ZRANB3: variants seen among roughly 807,000 people sequenced by gnomAD.
ZRANB3 encodes the protein DNA annealing helicase and endonuclease ZRANB3.
Under a neutral mutation model 133.8 loss-of-function variants are expected in ZRANB3, and 125 were observed. The observed-to-expected ratio is 0.93, with a 90% CI of 0.81 to 1.08. The LOEUF (loss-of-function observed/expected upper bound fraction) is 1.08. ZRANB3 is among the 50% of genes least tolerant of loss of function. The pLI, the probability that ZRANB3 is intolerant of heterozygous loss-of-function variation, is 0.00. For missense variants in ZRANB3, 1,229 were observed against 1,275.5 expected (o/e 0.96, Z 0.56); for synonymous variants, 387 against 432.7 (o/e 0.89, Z 1.31).
chr2:135,303,685 C>T (rs564065337), intron 8 of ZRANB3, among the ~76,000 whole-genome samples: 52 of 151,846 alleles, frequency 3.4e-4, no homozygotes, highest in African/African-American at 1.1e-3. Context: ...TTAATTTATG[C>T]AAAAAAGACT....
At chr2:135,246,367 T>C (rs1398737943) in intron 12 of ZRANB3, among the ~76,000 whole-genome samples, 1 of 152,220 alleles carries the variant, frequency 6.6e-6, no homozygotes, top group African/African-American at 2.4e-5. Context: ...GACTTTTCTG[T>C]TGTCTTTTTT....
At position 135,312,151 on chromosome 2, in the gene ZRANB3, A is replaced by AT. The variant is rs933501418; in HGVS notation, c.966+1337dup. ...TTATTTTATTATTTTATTTTATTTT[A>AT]TTTTATTTTTATTTTATTTTATTTT... is the stretch of plus-strand genomic sequence containing the variant. On this transcript the variant is annotated intron_variant, in intron 8 of 20. Coordinates refer to ENST00000264159, the MANE Select transcript of ZRANB3 (RefSeq NM_032143.4). Among the ~76,000 whole-genome samples, 360 of 114,828 alleles carry AT rather than the reference A, an allele frequency of 3.1e-3. 7 individuals carry two copies. Among genetic ancestry groups the AT allele is most frequent in the African/African-American group, 0.019 (331 of 17,604 alleles). 75.3% of individuals were successfully genotyped at this position (114,828 alleles called of 152,430 possible). A position where few individuals can be genotyped will look rare whatever the true frequency, so the allele number is the denominator to read the frequency against.
chr2:135,283,453 C>CA (rs1405944984), intron 8 of ZRANB3, among the ~76,000 whole-genome samples: 37 of 151,494 alleles, frequency 2.4e-4, no homozygotes, highest in Non-Finnish European at 4.4e-4. Context: ...TACTAAAATA[C>CA]AAAAAAACTA....
intron 4 of ZRANB3, 107 bp from the exon 5 acceptor site, chr2:135,350,322 G>A (rs939708878): frequency 4.6e-5 from 34 of 740,964 alleles, no homozygotes; most frequent in Non-Finnish European, 6.9e-5. Flanking sequence ...GAAGAATAGA[G>A]GAAAAATAAA....
At chr2:135,313,744 T>C in intron 7 of ZRANB3, 139 bp from the exon 8 acceptor site, 1 of 523,790 alleles carries the variant, frequency 1.9e-6, no homozygotes, top group Admixed American at 3.7e-5. Flanking sequence ...GATTCCAACA[T>C]GTTCATTTAA....
At chr2:135,293,105 A>G (rs995579435) in intron 8 of ZRANB3, among the ~76,000 whole-genome samples, 2 of 152,122 alleles carry the variant, frequency 1.3e-5, no homozygotes, top group Non-Finnish European at 2.9e-5. Flanking sequence ...TATGAACTTT[A>G]AAGTAGTTTT....
intron 6 of ZRANB3, among the ~76,000 whole-genome samples, chr2:135,316,967 G>GA (rs36092486): frequency 0.016 from 1,560 of 98,068 alleles, 11 homozygotes; most frequent in African/African-American, 0.029. Flanking sequence ...TCCGTCTCGA[G>GA]AAAAAAAAAA....
chr2:135,524,880 T>C (rs950708503), intron 1 of ZRANB3, among the ~76,000 whole-genome samples: 9 of 152,084 alleles, frequency 5.9e-5, no homozygotes, highest in Admixed American at 1.3e-4. Flanking sequence ...AGATTAATCT[T>C]TATTTTGTTC....
chr2:135,355,106 T>G (rs182594994), intron 3 of ZRANB3: 58 of 382,080 alleles, frequency 1.5e-4, no homozygotes, highest in African/African-American at 1.1e-3. Context: ...GAGCAGATTT[T>G]GGACTTTAAG....
intron 12 of ZRANB3, among the ~76,000 whole-genome samples, chr2:135,264,739 T>C (rs1680139174): frequency 6.6e-6 from 1 of 150,900 alleles, no homozygotes; most frequent in Admixed American, 6.6e-5. Flanking sequence ...ATTCTTTGCC[T>C]ATTTTTTTTT....
intron 2 of ZRANB3, among the ~76,000 whole-genome samples, chr2:135,406,734 C>G (rs13395430): frequency 6.6e-6 from 1 of 152,094 alleles, no homozygotes; most frequent in Non-Finnish European, 1.5e-5. Context: ...ATGATTATCT[C>G]AATAGATGCA....
intron 8 of ZRANB3, among the ~76,000 whole-genome samples, chr2:135,280,076 A>C (rs2104780165): frequency 6.6e-6 from 1 of 152,346 alleles, no homozygotes; most frequent in East Asian, 1.9e-4. Flanking sequence ...AACGATCTTA[A>C]GTACATAGTA....
At chr2:135,281,418 T>C (rs553979673) in intron 8 of ZRANB3, among the ~76,000 whole-genome samples, 1 of 152,198 alleles carries the variant, frequency 6.6e-6, no homozygotes, top group South Asian at 2.1e-4. Context: ...TAAGCAAACC[T>C]AGCATTTTCC....
At position 135,273,196 on chromosome 2, in the gene ZRANB3, G is replaced by GA. The variant is rs985691114; in HGVS notation, c.1087-1310dup. 1.0e-3 allele frequency among the ~76,000 whole-genome samples: 133 copies of GA among 130,722 alleles called. 1 individual carries two copies. The highest frequency in any genetic ancestry group is 2.8e-3 in the African/African-American group (96 of 34,606). The allele number at this position is 130,722 out of a possible 152,430, so 85.8% of individuals were successfully genotyped here. On this transcript the variant is annotated intron_variant, in intron 9 of 20. Coordinates refer to ENST00000264159, the MANE Select transcript of ZRANB3 (RefSeq NM_032143.4). ...GCGAGACTGTCTCAAAAAAAAAAAAGAAAAAAAAAAGAAAAAAAGAAATCA... is the reference window on the plus strand; with the variant it reads ...GCGAGACTGTCTCAAAAAAAAAAAAGAAAAAAAAAAAGAAAAAAAGAAATCA...
intron 3 of ZRANB3, among the ~76,000 whole-genome samples, chr2:135,357,439 G>A (rs1288915418): frequency 6.6e-6 from 1 of 152,204 alleles, no homozygotes; most frequent in Non-Finnish European, 1.5e-5. Context: ...GGGATTACAG[G>A]CGCATGCCAC....
chr2:135,244,616 T>C (rs1228542592), intron 12 of ZRANB3, among the ~76,000 whole-genome samples: 4 of 150,022 alleles, frequency 2.7e-5, no homozygotes, highest in Non-Finnish European at 4.4e-5. Context: ...CAAAAATAAA[T>C]AAATAAATAA....
chr2:135,418,919 TTCTC>T (rs201950534), intron 2 of ZRANB3, among the ~76,000 whole-genome samples: 1 of 139,018 alleles, frequency 7.2e-6, no homozygotes, highest in African/African-American at 2.7e-5. Context: ...AAAATAAGGA[TTCTC>T]TCTTTTTTTT....
chr2:135,500,995 A>T (rs937891277), intron 2 of ZRANB3, among the ~76,000 whole-genome samples: 6 of 152,088 alleles, frequency 3.9e-5, no homozygotes, highest in Non-Finnish European at 8.8e-5. Context: ...TTGAAGAGGG[A>T]ATAGCTGAGA....
intron 12 of ZRANB3, among the ~76,000 whole-genome samples, chr2:135,245,926 CAAAAAAAA>C (rs1177438717): frequency 5.1e-5 from 1 of 19,552 alleles, no homozygotes; most frequent in Non-Finnish European, 7.6e-5. Context: ...AACTCCGTCT[CAAAAAAAA>C]AAAAAAAAAA....
Sources: allele counts gnomAD v4.1 joint callset (sites outside exome capture counted in the v4.1 genomes callset), GRCh38; gene constraint gnomAD v4.1.1; transcripts MANE v1.5; gene names NCBI Gene and HGNC (gene_info 2026-07-23, HGNC 2026-07-21).